The following PAWR variants were observed in gnomAD, a reference collection of about 807,000 sequenced individuals.
The protein encoded by PAWR is pro-apoptotic WT1 regulator, also known as PRKC apoptosis WT1 regulator protein.
Under a neutral mutation model 32.0 loss-of-function variants are expected in PAWR, and 23 were observed. That is an observed-to-expected ratio of 0.72 (90% CI 0.52 to 1.02). The LOEUF is 1.02. Ranked by LOEUF, PAWR falls within the 50% of genes least tolerant of loss-of-function variation. The probability of loss-of-function intolerance (pLI) is 0.00; values close to 1 mark genes in which losing one functional copy is unlikely to be tolerated. For synonymous variants in PAWR, 226 were observed against 187.1 expected (o/e 1.21, Z -1.70); for missense variants, 457 against 437.7 (o/e 1.04, Z -0.39).
At chr12:79,595,484 G>A (rs550168003) in intron 5 of PAWR, among the ~76,000 whole-genome samples, 5 of 152,280 alleles carry the variant, frequency 3.3e-5, no homozygotes, top group South Asian at 2.1e-4. Flanking sequence ...TGGAACTCAC[G>A]AAGCCTTTCT....
intron 4 of PAWR, among the ~76,000 whole-genome samples, chr12:79,609,505 C>A (rs1433378519): frequency 6.6e-6 from 1 of 151,988 alleles, no homozygotes; most frequent in East Asian, 1.9e-4. Context: ...TTTCCAAAAC[C>A]ACCCATGGCC....
At position 79,592,405 on chromosome 12, in the gene PAWR, A is replaced by C. The variant is rs2136669942; in HGVS notation, c.*202T>G. 2 of 467,726 alleles carry C rather than the reference A, an allele frequency of 4.3e-6. No homozygotes were observed. Among genetic ancestry groups the C allele is most frequent in the East Asian group, 8.1e-5 (2 of 24,834 alleles). 29.0% of individuals were successfully genotyped at this position (467,726 alleles called of 1,614,324 possible). A position where few individuals can be genotyped will look rare whatever the true frequency, so the allele number is the denominator to read the frequency against. On this transcript the variant is annotated 3_prime_UTR_variant, in exon 7 of 7. Transcript: ENST00000328827. ...ATTTAATAACTGAAAGATATTACTT[A>C]TTTGTGAGATAAAAGGATAATGCTT...
intron 2 of PAWR, 60 bp downstream of exon 2, chr12:79,689,669 G>A (rs1039568830): frequency 1.4e-5 from 21 of 1,510,704 alleles, no homozygotes; most frequent in Admixed American, 2.0e-5. Context: ...CCAGGAGGAA[G>A]ACACCGGGAG....
At chr12:79,669,186 A>T (rs182539098) in intron 2 of PAWR, among the ~76,000 whole-genome samples, 1 of 152,240 alleles carries the variant, frequency 6.6e-6, no homozygotes, top group African/African-American at 2.4e-5. Context: ...CACAGTGCAG[A>T]TTATGTAAAG....
At chr12:79,602,563 G>A (rs539769506) in intron 4 of PAWR, among the ~76,000 whole-genome samples, 1 of 152,114 alleles carries the variant, frequency 6.6e-6, no homozygotes, top group South Asian at 2.1e-4. Flanking sequence ...AATGGATAAG[G>A]GCAAGATGGG....
At chr12:79,642,955 A>ATT (rs1432391605) in intron 2 of PAWR, among the ~76,000 whole-genome samples, 1 of 152,236 alleles carries the variant, frequency 6.6e-6, no homozygotes, top group African/African-American at 2.4e-5. Flanking sequence ...TGAGACTAAA[A>ATT]TTAATTACTA....
At chr12:79,674,900 A>C (rs1326547259) in intron 2 of PAWR, among the ~76,000 whole-genome samples, 2 of 152,230 alleles carry the variant, frequency 1.3e-5, no homozygotes, top group African/African-American at 4.8e-5. Context: ...TTAAAAAGCC[A>C]AAAATCCACA....
rs1878913923 is a variant in PAWR, at chr12:79,690,038, G to A, written c.207C>T (p.Leu69=). 7.4e-6 allele frequency: 10 copies of A among 1,346,866 alleles called. No individual in the cohort carries two copies. Among genetic ancestry groups the A allele is most frequent in the Non-Finnish European group, 9.4e-6 (10 of 1,058,598 alleles). The allele number at this position is 1,346,866 out of a possible 1,614,324, so 83.4% of individuals were successfully genotyped here. The stretch of plus-strand genomic sequence containing the variant: ...GCGCGCCGCCCGGGAGGTTGTTGTT[G>A]AGCTCGTTGGCAGCGGCGGCCGCCG... ...GTPAAAAANE[L]NNNLPGGAPA... The change falls in exon 2 of 7, where the codon CTC becomes CTT. Residue 69 remains leucine, a synonymous_variant. Transcript: ENST00000328827.
chr12:79,597,500 A>G (rs879120355), intron 4 of PAWR, among the ~76,000 whole-genome samples: 2 of 152,248 alleles, frequency 1.3e-5, no homozygotes, highest in African/African-American at 4.8e-5. Context: ...CATACAAAAT[A>G]CAAGTCCAAA....
chr12:79,638,097 T>C (rs1220687627), intron 2 of PAWR, among the ~76,000 whole-genome samples: 4 of 151,992 alleles, frequency 2.6e-5, no homozygotes, highest in African/African-American at 9.7e-5. Context: ...TTATGGCTCT[T>C]TAAACATACT....
At chr12:79,641,641 G>A (rs1478392960) in intron 2 of PAWR, among the ~76,000 whole-genome samples, 1 of 152,028 alleles carries the variant, frequency 6.6e-6, no homozygotes, top group East Asian at 1.9e-4. Context: ...GAGATCAGGA[G>A]ATCGAGACCA....
intron 2 of PAWR, among the ~76,000 whole-genome samples, chr12:79,675,688 T>G (rs946697343): frequency 1.3e-5 from 2 of 152,096 alleles, no homozygotes; most frequent in Admixed American, 1.3e-4. Context: ...AAATATTAAG[T>G]ACACATGGAC....
chr12:79,685,350 A>G (rs536719970), intron 2 of PAWR, among the ~76,000 whole-genome samples: 1 of 152,328 alleles, frequency 6.6e-6, no homozygotes, highest in East Asian at 1.9e-4. Context: ...CTGGAGCATA[A>G]TGGGAATAAC....
chr12:79,657,288 G>A (rs1250496530), intron 2 of PAWR, among the ~76,000 whole-genome samples: 4 of 152,104 alleles, frequency 2.6e-5, no homozygotes, highest in Non-Finnish European at 5.9e-5. Flanking sequence ...AAAGGAACAC[G>A]GGTAAACTCG....
At chr12:79,659,580 T>C (rs1014900437) in intron 2 of PAWR, among the ~76,000 whole-genome samples, 16 of 152,206 alleles carry the variant, frequency 1.1e-4, no homozygotes, top group Admixed American at 9.8e-4. Context: ...GCTAAAGTGT[T>C]AATAAAATTT....
At chr12:79,674,153 T>A in intron 2 of PAWR, among the ~76,000 whole-genome samples, 1 of 152,090 alleles carries the variant, frequency 6.6e-6, no homozygotes, top group East Asian at 1.9e-4. Context: ...GACTTCACTA[T>A]ACGACAAGGC....
chr12:79,689,634 G>A, intron 2 of PAWR, 95 bp downstream of exon 2: 2 of 1,394,060 alleles, frequency 1.4e-6, no homozygotes, highest in Admixed American at 2.2e-5. Context: ...GCCAGGGGAG[G>A]TAAACTCTGC....
chr12:79,651,263 C>T (rs1224462463), intron 2 of PAWR, among the ~76,000 whole-genome samples: 2 of 151,418 alleles, frequency 1.3e-5, no homozygotes, highest in Non-Finnish European at 2.9e-5. Context: ...TCTAAGTGAC[C>T]GAACAAAAAA....
intron 2 of PAWR, among the ~76,000 whole-genome samples, chr12:79,664,254 T>C (rs1018623411): frequency 3.3e-5 from 5 of 152,172 alleles, no homozygotes; most frequent in African/African-American, 1.2e-4. Context: ...TGCATTTTCA[T>C]TACTCAAAAA....
Sources: gnomAD v4.1 joint callset for allele counts (sites outside exome capture counted in the v4.1 genomes callset) on GRCh38, gnomAD v4.1.1 for gene constraint, MANE v1.5 for transcripts, NCBI Gene and HGNC (gene_info 2026-07-23, HGNC 2026-07-21) for gene names.